Variants in KMT2C observed in about 807,000 individuals in gnomAD.
The protein encoded by KMT2C is histone-lysine N-methyltransferase 2C.
Under a neutral mutation model 507.9 loss-of-function variants are expected in KMT2C, and 88 were observed. That is an observed-to-expected ratio of 0.17 (90% CI 0.15 to 0.21). The LOEUF (loss-of-function observed/expected upper bound fraction) is 0.21, where lower values mean the gene tolerates loss of function less well. KMT2C is among the 10% of genes least tolerant of loss of function. The pLI is 1.00. For synonymous variants in KMT2C, 2,049 were observed against 2,080.8 expected (o/e 0.98, Z 0.42); for missense variants, 4,954 against 5,957.8 (o/e 0.83, Z 5.55).
chr7:152,164,226 C>A (rs1044940916), intron 42 of KMT2C, among the ~76,000 whole-genome samples: 1 of 151,788 alleles, frequency 6.6e-6, no homozygotes, highest in Non-Finnish European at 1.5e-5. Context: ...GAATAACAGA[C>A]TTAACTCAAA....
At chr7:152,348,621 A>AAG (rs1554666742) in intron 2 of KMT2C, among the ~76,000 whole-genome samples, 7 of 143,224 alleles carry the variant, frequency 4.9e-5, no homozygotes, top group East Asian at 3.9e-4. Context: ...AAAAAAAAAA[A>AAG]AAAGAAAGAA....
At chr7:152,233,068 G>C (rs2095171732) in intron 16 of KMT2C, among the ~76,000 whole-genome samples, 1 of 152,080 alleles carries the variant, frequency 6.6e-6, no homozygotes, top group Admixed American at 6.5e-5. Flanking sequence ...GTCTGCAGTA[G>C]AAAACTACAA....
Position 152,352,517 on chromosome 7 carries a change from C to T in KMT2C, c.250+6070G>A, listed in dbSNP as rs184224433. 1.5e-4 allele frequency among the ~76,000 whole-genome samples: 23 copies of T among 152,216 alleles called. No homozygotes were observed. The East Asian group carries it at 4.2e-3, about 28-fold the overall frequency. On this transcript the variant is annotated intron_variant, in intron 2 of 58. Coordinates refer to ENST00000262189, the MANE Select transcript of KMT2C (RefSeq NM_170606.3). ...GCTGGTTTTGCGGCCTGTGGGGCAT[C>T]ACGGAACCTACCAACATGTGATGTC...
intron 42 of KMT2C, among the ~76,000 whole-genome samples, chr7:152,164,321 G>A (rs1315805311): frequency 6.9e-6 from 1 of 145,602 alleles, no homozygotes; most frequent in African/African-American, 2.6e-5. Context: ...ACGGAGTCTC[G>A]CTCTGTCGCC....
intron 9 of KMT2C, among the ~76,000 whole-genome samples, chr7:152,254,136 C>T (rs544025343): frequency 6.6e-6 from 1 of 152,144 alleles, no homozygotes; most frequent in East Asian, 1.9e-4. Context: ...TCCTAAATAG[C>T]TGGGCACGGT....
chr7:152,294,812 T>C (rs1421337363), intron 6 of KMT2C, among the ~76,000 whole-genome samples: 2 of 152,222 alleles, frequency 1.3e-5, no homozygotes, highest in African/African-American at 2.4e-5. Flanking sequence ...ATTTCTACTA[T>C]ACTTCCTGTA....
intron 44 of KMT2C, 122 bp downstream of exon 44, chr7:152,158,741 C>A: frequency 1.2e-6 from 1 of 838,602 alleles, no homozygotes; most frequent in South Asian, 1.5e-5. Flanking sequence ...ATCTAGAACT[C>A]ATGCCTCAAG....
intron 1 of KMT2C, among the ~76,000 whole-genome samples, chr7:152,401,026 G>T (rs1261235309): frequency 2.0e-5 from 3 of 151,192 alleles, no homozygotes; most frequent in Non-Finnish European, 2.9e-5. Flanking sequence ...ACAAAGAAAT[G>T]TAATTACATA....
chr7:152,303,248 ATTACT>A (rs1228297441), intron 6 of KMT2C, among the ~76,000 whole-genome samples: 1 of 152,236 alleles, frequency 6.6e-6, no homozygotes, highest in East Asian at 1.9e-4. Context: ...AACCGAGGAA[ATTACT>A]TTAAATATAT....
At chr7:152,171,153 T>C in intron 40 of KMT2C, 111 bp downstream of exon 40, 1 of 596,910 alleles carries the variant, frequency 1.7e-6, no homozygotes, top group East Asian at 3.3e-5. Context: ...CCGCATTTAC[T>C]TCTGCACAAA....
At chr7:152,317,125 T>C (rs2096729389) in intron 3 of KMT2C, among the ~76,000 whole-genome samples, 1 of 152,184 alleles carries the variant, frequency 6.6e-6, no homozygotes, top group African/African-American at 2.4e-5. Flanking sequence ...TAGCATTCAA[T>C]TTTATATTCA....
At position 152,249,957 on chromosome 7, in the gene KMT2C, T is replaced by C. The variant is rs1237081214; in HGVS notation, c.1736-4A>G. 2 of 1,596,898 alleles carry C rather than the reference T, an allele frequency of 1.3e-6. No homozygotes were observed. The highest frequency in any genetic ancestry group is 4.5e-5 in the East Asian group (2 of 44,676). ...TCTTCAGTGTGGACTTGAACCGCTGTGAGTAACACATTTATAAAATCTCTA... is the reference window on the plus strand; with the variant it reads ...TCTTCAGTGTGGACTTGAACCGCTGCGAGTAACACATTTATAAAATCTCTA... On this transcript the variant is annotated splice_polypyrimidine_tract_variant and splice_region_variant and intron_variant, in intron 12 of 58. Coordinates refer to ENST00000262189, the MANE Select transcript of KMT2C (RefSeq NM_170606.3).
intron 15 of KMT2C, among the ~76,000 whole-genome samples, chr7:152,238,292 G>T (rs1588485929): frequency 1.3e-3 from 3 of 2,246 alleles, no homozygotes. Flanking sequence ...AAAAAGCCTT[G>T]TCATTTTAAG....
At position 152,290,280 on chromosome 7, in the gene KMT2C, ATATATATATATATATTTTTTTTTTT is replaced by A. The variant is rs2096398121; in HGVS notation, c.850-16438_850-16414del. On this transcript the variant is annotated intron_variant, in intron 6 of 58. Coordinates refer to ENST00000262189, the MANE Select transcript of KMT2C (RefSeq NM_170606.3). ...TGTGTATATATATATATATATATAT[ATATATATATATATATTTTTTTTTTT>A]TTTTTTTTTTTTTTTTTTTGTCTGA... Among the ~76,000 whole-genome samples, 151 of 31,920 alleles carry A rather than the reference ATATATATATATATATTTTTTTTTTT, an allele frequency of 4.7e-3. 3 individuals are homozygous for A. Among genetic ancestry groups the A allele is most frequent in the African/African-American group, 0.019 (143 of 7,482 alleles). The allele number at this position is 31,920 out of a possible 152,430, so 20.9% of individuals were successfully genotyped here.
rs146559031 is a variant in KMT2C at position 152,163,093 on chromosome 7, G to A, written c.10484C>T (p.Ser3495Leu). 2 of 1,614,110 alleles carry A rather than the reference G, an allele frequency of 1.2e-6. No homozygotes were observed. The highest frequency in any genetic ancestry group is 1.7e-6 in the Non-Finnish European group (2 of 1,180,044). The change falls in exon 43 of 59, where the codon TCA (serine) becomes TTA (leucine). Residue 3495 changes from serine to leucine, a missense_variant. By Grantham distance (145) the Ser-to-Leu change is moderately radical. Coordinates refer to ENST00000262189, the MANE Select transcript of KMT2C (RefSeq NM_170606.3). The stretch of plus-strand genomic sequence containing the variant: ...CTGCATGAAAGTTTGGGTGGAGGGT[G>A]AATTAATTGATCCTTGTTGTATATT... Reference protein sequence around the residue: ...QQNIQQGSINSPSTQTFMQTN... With the variant: ...QQNIQQGSINLPSTQTFMQTN...
intron 1 of KMT2C, among the ~76,000 whole-genome samples, chr7:152,388,765 T>TGG (rs2097458942): frequency 7.0e-6 from 1 of 142,934 alleles, no homozygotes; most frequent in African/African-American, 2.6e-5. Flanking sequence ...TTTTTTTTCC[T>TGG]GGGATGGAGT....
chr7:152,253,418 T>C (rs1287563337), intron 9 of KMT2C, among the ~76,000 whole-genome samples: 3 of 136,098 alleles, frequency 2.2e-5, no homozygotes, highest in Non-Finnish European at 4.5e-5. Context: ...TTGATGCCAG[T>C]AATCCCAGCA....
rs2129164552 is a variant in KMT2C at position 152,248,564 on chromosome 7, C to T, written c.1870G>A (p.Asp624Asn). The change falls in exon 14 of 59, where the codon GAT becomes AAT. Residue 624 changes from aspartate to asparagine, a missense_variant. Asp to Asn is a conservative substitution (Grantham distance 23, BLOSUM62 1). Coordinates refer to ENST00000262189, the MANE Select transcript of KMT2C (RefSeq NM_170606.3). The part of the protein sequence containing the change: ...ELEKQISNEV[D>N]SEDLKMSSEV... ...GAAGACATTTTCAGGTCTTCACTAT[C>T]AACTTCATTAGAAATCTGTTTTTCC... is the stretch of plus-strand genomic sequence containing the variant. 6.2e-7 allele frequency: 1 copy of T among 1,613,804 alleles called. No homozygotes were observed. The highest frequency in any genetic ancestry group is 8.5e-7 in the Non-Finnish European group (1 of 1,179,786).
intron 14 of KMT2C, chr7:152,239,186 G>A (rs1441646370): frequency 5.6e-6 from 1 of 177,780 alleles, no homozygotes; most frequent in African/African-American, 2.4e-5. Flanking sequence ...CTAGAAGAAA[G>A]TATTGGGGGG....
Sources: gnomAD v4.1 joint callset for allele counts (sites outside exome capture counted in the v4.1 genomes callset) on GRCh38, gnomAD v4.1.1 for gene constraint, MANE v1.5 for transcripts, NCBI Gene and HGNC (gene_info 2026-07-23, HGNC 2026-07-21) for gene names.